Variants in FNDC3A observed in about 807,000 individuals in gnomAD.
FNDC3A encodes fibronectin type III domain containing 3A.
A neutral mutation model predicts 148.9 loss-of-function variants in FNDC3A; 32 were observed. That is an observed-to-expected ratio of 0.21 (90% CI 0.16 to 0.29). FNDC3A has a LOEUF of 0.29. Among genes scored for constraint, FNDC3A ranks in the 10% least tolerant of loss-of-function variants. The pLI is 1.00. For missense variants in FNDC3A, 1,191 were observed against 1,452.8 expected (o/e 0.82, Z 2.93); for synonymous variants, 472 against 473.6 (o/e 1.00, Z 0.04).
At chr13:49,015,980 T>A (rs573280830) in intron 2 of FNDC3A, among the ~76,000 whole-genome samples, 1 of 151,942 alleles carries the variant, frequency 6.6e-6, no homozygotes, top group Non-Finnish European at 1.5e-5. Flanking sequence ...ATAAGCTTTT[T>A]GATGTGCTGC....
At chr13:49,093,167 A>G (rs1022132983) in intron 3 of FNDC3A, among the ~76,000 whole-genome samples, 2 of 152,176 alleles carry the variant, frequency 1.3e-5, no homozygotes, top group South Asian at 4.1e-4. Flanking sequence ...AAACCATGAT[A>G]CAGTGGTAGT....
intron 1 of FNDC3A, among the ~76,000 whole-genome samples, chr13:48,980,627 G>C (rs1951677609): frequency 6.6e-6 from 1 of 152,096 alleles, no homozygotes; most frequent in Non-Finnish European, 1.5e-5. Flanking sequence ...GTTTTGAAAA[G>C]TAATTTACAT....
Position 49,107,134 on chromosome 13 carries a change from C to G in FNDC3A, c.176-7521C>G, listed in dbSNP as rs1327228469. Among the ~76,000 whole-genome samples the G allele has an allele frequency of 3.3e-5, 5 of 152,118 alleles. No homozygotes were observed. In the East Asian group the frequency reaches 5.8e-4, roughly 18 times the overall value. ...GGATTTGAAACAGTCACTTTAATGA[C>G]TTGCACTATTTTCTTTTGTATGTAT... On this transcript the variant is annotated intron_variant, in intron 3 of 25. Transcript: ENST00000492622.
Position 49,207,124 on chromosome 13 carries a change from A to G in FNDC3A, c.3326A>G (p.Gln1109Arg). 1.9e-6 allele frequency: 3 copies of G among 1,614,160 alleles called. No individual in the cohort carries two copies. The highest frequency in any genetic ancestry group is 2.5e-6 in the Non-Finnish European group (3 of 1,180,000). ...TCTTCCTTCCGGTATTCCAGCCTTCAGCTGAACTGTGAATATCGCTTCCGT... is the reference window on the plus strand; with the variant it reads ...TCTTCCTTCCGGTATTCCAGCCTTCGGCTGAACTGTGAATATCGCTTCCGT... ...PDSSFRYSSL[Q>R]LNCEYRFRVC... Residue 1109 changes from glutamine (Q) to arginine (R), a missense_variant, in exon 26 of 26, where the codon CAG becomes CGG. By Grantham distance (43) the Gln-to-Arg change is conservative. Around this residue, in one of 3 missense-constraint regions of FNDC3A, gnomAD observed 751 missense variants for 944.0 expected, o/e 0.80. Transcript: ENST00000492622.
At chr13:49,075,800 G>GCCCCCCCCCCCCCCCCCCCCCCCC (rs57432537) in intron 3 of FNDC3A, among the ~76,000 whole-genome samples, 7 of 115,292 alleles carry the variant, frequency 6.1e-5, no homozygotes, top group African/African-American at 1.7e-4. Flanking sequence ...TATCACCACT[G>GCCCCCCCCCCCCCCCCCCCCCCCC]CCCCCCCCAC....
At chr13:49,105,076 C>G (rs1407752182) in intron 3 of FNDC3A, among the ~76,000 whole-genome samples, 1 of 152,066 alleles carries the variant, frequency 6.6e-6, no homozygotes, top group Non-Finnish European at 1.5e-5. Context: ...AAAAACTCTT[C>G]CCAATCTATT....
intron 2 of FNDC3A, among the ~76,000 whole-genome samples, chr13:49,066,553 A>G (rs555668550): frequency 2.6e-5 from 4 of 152,366 alleles, no homozygotes; most frequent in Admixed American, 6.5e-5. Flanking sequence ...CAAAATCATT[A>G]TAGATCTCAG....
intron 25 of FNDC3A, among the ~76,000 whole-genome samples, chr13:49,206,512 CTTTT>C (rs1222329846): frequency 6.6e-6 from 1 of 152,124 alleles, no homozygotes; most frequent in Non-Finnish European, 1.5e-5. Flanking sequence ...GAATTTCATT[CTTTT>C]TATTTCCCTT....
chr13:49,016,268 C>T (rs1349040495), intron 2 of FNDC3A, among the ~76,000 whole-genome samples: 1 of 152,072 alleles, frequency 6.6e-6, no homozygotes, highest in Non-Finnish European at 1.5e-5. Context: ...TTGATTATTG[C>T]CACAATTTCA....
intron 3 of FNDC3A, among the ~76,000 whole-genome samples, chr13:49,114,410 T>TCCCCCCCCCCCCCCCCCC (rs71188346): frequency 1.2e-4 from 10 of 81,678 alleles, no homozygotes; most frequent in East Asian, 2.8e-4. Flanking sequence ...CCCTCCAACC[T>TCCCCCCCCCCCCCCCCCC]CCCCGCCCCC....
At chr13:49,046,825 G>A (rs1316462941) in intron 2 of FNDC3A, 1 of 151,516 alleles carries the variant, frequency 6.6e-6, no homozygotes, top group Non-Finnish European at 1.5e-5. Flanking sequence ...AAGTATCTAA[G>A]GAAAGTCTCT....
chr13:49,120,801 TA>T (rs1192910948), intron 4 of FNDC3A, among the ~76,000 whole-genome samples: 1 of 152,196 alleles, frequency 6.6e-6, no homozygotes, highest in Non-Finnish European at 1.5e-5. Context: ...CTAACTATCC[TA>T]AATATATATG....
At chr13:49,127,183 C>T (rs1216951705) in intron 4 of FNDC3A, among the ~76,000 whole-genome samples, 1 of 152,216 alleles carries the variant, frequency 6.6e-6, no homozygotes, top group Admixed American at 6.5e-5. Context: ...ATTACTCTAG[C>T]ATTTTTCTTT....
chr13:48,992,483 C>T (rs1332310130), intron 1 of FNDC3A, among the ~76,000 whole-genome samples: 1 of 152,000 alleles, frequency 6.6e-6, no homozygotes, highest in Non-Finnish European at 1.5e-5. Flanking sequence ...ACAAAATAAT[C>T]CAACAAATAG....
At chr13:49,054,407 T>C (rs1250715774) in intron 2 of FNDC3A, among the ~76,000 whole-genome samples, 3 of 152,164 alleles carry the variant, frequency 2.0e-5, no homozygotes, top group Non-Finnish European at 4.4e-5. Context: ...ACTATTCCTA[T>C]CAGACCCACT....
rs765929937 is a variant in FNDC3A at position 49,075,303 on chromosome 13, A to G, written c.114A>G (p.Gln38=). The change falls in exon 3 of 26, where the codon CAA becomes CAG. Residue 38 remains glutamine, a synonymous_variant. Coordinates refer to ENST00000492622, the MANE Select transcript of FNDC3A (RefSeq NM_001079673.2). ...ADGTQQVILV[Q]VNPGEAFTIR... The stretch of plus-strand genomic sequence containing the variant: ...TCATTTTTAAGGTTATTCTGGTACA[A>G]GTTAACCCAGGAGAAGCATTTACAA... The G allele has an allele frequency of 1.6e-5, 26 of 1,599,234 alleles. No homozygotes were observed. The Middle Eastern group carries it at 2.3e-3, about 143-fold the overall frequency.
At chr13:49,130,550 A>G (rs1382084502) in intron 4 of FNDC3A, among the ~76,000 whole-genome samples, 1 of 152,184 alleles carries the variant, frequency 6.6e-6, no homozygotes, top group Non-Finnish European at 1.5e-5. Context: ...GGAAATGCAC[A>G]TAACACATAG....
intron 10 of FNDC3A, 149 bp from the exon 11 acceptor site, chr13:49,171,894 A>G (rs1233549366): frequency 3.3e-5 from 19 of 576,260 alleles, no homozygotes; most frequent in Non-Finnish European, 5.9e-5. Flanking sequence ...CATACAATAC[A>G]TATATTTTTG....
At chr13:49,115,615 A>G (rs538541086) in intron 4 of FNDC3A, among the ~76,000 whole-genome samples, 1 of 152,332 alleles carries the variant, frequency 6.6e-6, no homozygotes, top group African/African-American at 2.4e-5. Context: ...AGCTGAATCC[A>G]TATCTTATTT....
Sources: gnomAD v4.1 joint callset for allele counts (sites outside exome capture counted in the v4.1 genomes callset) on GRCh38, gnomAD v4.1.1 for gene constraint, gnomAD v4.1.1 regional missense constraint, MANE v1.5 for transcripts, NCBI Gene and HGNC (gene_info 2026-07-23, HGNC 2026-07-21) for gene names.